Variants in WDR93 observed in about 807,000 individuals in gnomAD.
WDR93 encodes the protein WD repeat-containing protein 93.
WDR93 carries 73 observed loss-of-function variants against 82.9 expected under a neutral mutation model. The ratio of observed to expected loss-of-function variants is 0.88; its 90% CI spans 0.73 to 1.07. WDR93 has a LOEUF of 1.07. WDR93 is among the 50% of genes least tolerant of loss of function. The probability of loss-of-function intolerance (pLI) is 0.00; values close to 1 mark genes in which losing one functional copy is unlikely to be tolerated. For missense variants in WDR93, 738 were observed against 826.0 expected (o/e 0.89, Z 1.31); for synonymous variants, 283 against 300.1 (o/e 0.94, Z 0.59).
intron 1 of WDR93, among the ~76,000 whole-genome samples, chr15:89,696,294 G>C (rs1965171597): frequency 6.6e-6 from 1 of 152,168 alleles, no homozygotes; most frequent in South Asian, 2.1e-4. Flanking sequence ...CATCCATGTT[G>C]TTGTGTGGAT....
At position 89,714,975 on chromosome 15, in the gene WDR93, T is replaced by C. The variant is rs763694488; in HGVS notation, c.641-5T>C. The C allele has an allele frequency of 3.7e-6, 6 of 1,612,150 alleles. No homozygotes were observed. The highest frequency in any genetic ancestry group is 2.2e-5 in the South Asian group (2 of 90,728). ...GCTCAATGGTTCTCTGGTTTCCCAA[T>C]GCAGGAGCCGGAGATATTTGGCTGG... On this transcript the variant is annotated splice_region_variant and splice_polypyrimidine_tract_variant and intron_variant, in intron 5 of 16. Coordinates refer to ENST00000268130, the MANE Select transcript of WDR93 (RefSeq NM_020212.2).
intron 7 of WDR93, 112 bp from the exon 8 acceptor site, chr15:89,721,941 CCT>C: frequency 1.4e-6 from 1 of 696,642 alleles, no homozygotes; most frequent in Non-Finnish European, 2.4e-6. Flanking sequence ...TTCTATTTGT[CCT>C]CTTATTTTTC....
intron 16 of WDR93, among the ~76,000 whole-genome samples, chr15:89,740,313 T>C (rs1452241244): frequency 6.6e-6 from 1 of 152,076 alleles, no homozygotes; most frequent in African/African-American, 2.4e-5. Context: ...TCCTGCATTG[T>C]AGTGGGTCGC....
At chr15:89,711,710 T>C (rs1450069051) in intron 4 of WDR93, among the ~76,000 whole-genome samples, 2 of 152,174 alleles carry the variant, frequency 1.3e-5, no homozygotes, top group African/African-American at 2.4e-5. Flanking sequence ...AGTTGAATAA[T>C]TGGATGCCAG....
intron 7 of WDR93, chr15:89,719,727 G>GT (rs1966434236): frequency 6.6e-6 from 1 of 151,124 alleles, no homozygotes; most frequent in Non-Finnish European, 1.5e-5. Context: ...TTTCCAGTTT[G>GT]TTTTTATTAT....
intron 5 of WDR93, among the ~76,000 whole-genome samples, chr15:89,712,396 C>CTTTTTTTTTTTTTTTTTTTTTTTTTT (rs1170109589): frequency 2.5e-5 from 2 of 80,514 alleles, no homozygotes; most frequent in African/African-American, 1.1e-4. Context: ...TTCCACTAAT[C>CTTTTTTTTTTTTTTTTTTTTTTTTTT]TTTTTTTTTT....
At chr15:89,691,768 T>C (rs1349703222) in intron 1 of WDR93, among the ~76,000 whole-genome samples, 1 of 152,162 alleles carries the variant, frequency 6.6e-6, no homozygotes, top group Non-Finnish European at 1.5e-5. Context: ...GTAATCTTTA[T>C]TCCCTTGGTC....
intron 13 of WDR93, among the ~76,000 whole-genome samples, chr15:89,733,747 G>T (rs1966934547): frequency 6.6e-6 from 1 of 152,080 alleles, no homozygotes; most frequent in Non-Finnish European, 1.5e-5. Context: ...ACTAGCTGTG[G>T]ACCCTTGACC....
At chr15:89,690,615 G>A (rs1964817875), upstream of WDR93, 2 of 1,551,424 alleles carry the variant, frequency 1.3e-6, no homozygotes, top group South Asian at 2.4e-5. Flanking sequence ...GGTTGGTGAA[G>A]CGGGTGAAGG....
Position 89,712,065 on chromosome 15 carries a change from A to C in WDR93, c.601A>C (p.Ile201Leu), listed in dbSNP as rs554609476. The stretch of plus-strand genomic sequence containing the variant: ...GCAAACTACCTGTATAAAGATGGAG[A>C]TCTCTCAAGGAGGGGACTTTGCAGC... ...SKQTTCIKME[I>L]SQGGDFAAFL... The change falls in exon 5 of 17, where the codon ATC becomes CTC. Residue 201 changes from isoleucine to leucine, a missense_variant. Physicochemically the swap from Ile to Leu is conservative, Grantham distance 5 (BLOSUM62 2). Coordinates refer to ENST00000268130, the MANE Select transcript of WDR93 (RefSeq NM_020212.2). 24 of 1,613,436 alleles carry C rather than the reference A, an allele frequency of 1.5e-5. No homozygotes were observed. Among genetic ancestry groups the C allele is most frequent in the Admixed American group, 6.7e-5 (4 of 59,944 alleles).
intron 5 of WDR93, among the ~76,000 whole-genome samples, chr15:89,714,054 T>TA (rs1289585259): frequency 6.6e-6 from 1 of 152,182 alleles, no homozygotes; most frequent in Non-Finnish European, 1.5e-5. Context: ...TTTGACAAGA[T>TA]AAAGTCCCAC....
chr15:89,742,138 A>G (rs1210355786), intron 16 of WDR93, among the ~76,000 whole-genome samples: 3 of 152,228 alleles, frequency 2.0e-5, no homozygotes, highest in African/African-American at 7.2e-5. Flanking sequence ...CTGTAATCCC[A>G]GCAGTTTGGG....
chr15:89,697,966 G>A (rs1180105019), intron 1 of WDR93, among the ~76,000 whole-genome samples: 3 of 147,836 alleles, frequency 2.0e-5, no homozygotes, highest in East Asian at 4.0e-4. Context: ...TGCAAGCTCC[G>A]CCTCCTGGGT....
chr15:89,729,270 C>A (rs905325203), intron 10 of WDR93, among the ~76,000 whole-genome samples, 177 bp downstream of exon 10: 2 of 152,038 alleles, frequency 1.3e-5, no homozygotes, highest in African/African-American at 4.8e-5. Flanking sequence ...GGCCCCTGAG[C>A]ACAGGTTCTC....
At chr15:89,717,045 C>T (rs148200475) in intron 7 of WDR93, 96 bp downstream of exon 7, 1,031 of 171,716 alleles carry the variant, frequency 6.0e-3, no homozygotes, top group Middle Eastern at 0.014. Context: ...CTTTTTCTTT[C>T]TTTTTTTTTT....
At chr15:89,727,059 G>T in intron 8 of WDR93, 98 bp from the exon 9 acceptor site, 1 of 1,361,278 alleles carries the variant, frequency 7.3e-7, no homozygotes, top group Non-Finnish European at 1.0e-6. Context: ...TGAGGCTGAG[G>T]GATTCTGCAG....
chr15:89,729,088 C>T lies in WDR93; in HGVS notation c.1118C>T (p.Pro373Leu). 1.2e-6 allele frequency: 2 copies of T among 1,613,948 alleles called. No individual in the cohort carries two copies. ...GCAATGCCACCGGAAGTCAAGGGCC[C>T]CTCAGGTAAATGAACATGAAGTGGG... The part of the protein sequence containing the change: ...LFAMPPEVKG[P>L]SGMACVLGIH... The change falls in exon 10 of 17, where the codon CCC (proline) becomes CTC (leucine). Residue 373 changes from proline to leucine, a missense_variant. Coordinates refer to ENST00000268130, the MANE Select transcript of WDR93 (RefSeq NM_020212.2).
chr15:89,729,677 C>T lies in WDR93; in HGVS notation c.1124-6C>T, dbSNP rs371063115. The T allele has an allele frequency of 2.5e-6, 4 of 1,611,956 alleles. No individual in the cohort carries two copies. The highest frequency in any genetic ancestry group is 1.3e-5 in the African/African-American group (1 of 74,994). ...ATTTTCTGTCTTTCCCCCGCCCCCCCACCAGGAATGGCCTGTGTCCTTGGT... is the reference window on the plus strand; with the variant it reads ...ATTTTCTGTCTTTCCCCCGCCCCCCTACCAGGAATGGCCTGTGTCCTTGGT... On this transcript the variant is annotated splice_polypyrimidine_tract_variant and splice_region_variant and intron_variant, in intron 10 of 16. Transcript: ENST00000268130.
intron 8 of WDR93, among the ~76,000 whole-genome samples, chr15:89,723,443 A>G (rs1966607901): frequency 6.6e-6 from 1 of 152,134 alleles, no homozygotes; most frequent in Admixed American, 6.5e-5. Flanking sequence ...CCTGGTTCAA[A>G]ATCAAGAACA....
Sources: allele counts gnomAD v4.1 joint callset (sites outside exome capture counted in the v4.1 genomes callset), GRCh38; gene constraint gnomAD v4.1.1; transcripts MANE v1.5; gene names NCBI Gene and HGNC (gene_info 2026-07-23, HGNC 2026-07-21).